Variants in EML6 observed in about 807,000 individuals in gnomAD.
EML6 encodes echinoderm microtubule-associated protein-like 6.
A neutral mutation model predicts 240.1 loss-of-function variants in EML6; 154 were observed. The observed-to-expected ratio is 0.64, with a 90% confidence interval of 0.56 to 0.73. The LOEUF (loss-of-function observed/expected upper bound fraction) is 0.73, where lower values mean the gene tolerates loss of function less well. Ranked by LOEUF, EML6 falls within the 30% of genes least tolerant of loss-of-function variation. The probability of loss-of-function intolerance (pLI) is 0.00; values close to 1 mark genes in which losing one functional copy is unlikely to be tolerated. For synonymous variants in EML6, 1,148 were observed against 899.0 expected (o/e 1.28, Z -4.95); for missense variants, 2,964 against 2,474.6 (o/e 1.20, Z -4.20).
At position 54,911,005 on chromosome 2, in the gene EML6, C is replaced by G; in HGVS notation, c.3461C>G (p.Ala1154Gly). The G allele has an allele frequency of 1.9e-6, 3 of 1,540,022 alleles. No individual in the cohort carries two copies. The highest frequency in any genetic ancestry group is 2.6e-6 in the Non-Finnish European group (3 of 1,138,452). ...GCCAGAGAACAACTTTTTTTTGAAG[C>G]TCCAAGAGGCAAACGGCATATAATA... ...SGAREQLFFE[A>G]PRGKRHIIRP... The change falls in exon 25 of 42, where the codon GCT becomes GGT. Residue 1154 changes from alanine (A) to glycine (G), a missense_variant. Transcript: ENST00000356458.
intron 7 of EML6, among the ~76,000 whole-genome samples, chr2:54,838,281 A>G (rs910205993): frequency 7.9e-5 from 12 of 152,048 alleles, no homozygotes; most frequent in African/African-American, 2.9e-4. Flanking sequence ...CTAGCACAAA[A>G]CCCGCGGGTT....
chr2:54,750,460 A>G (rs1046989898), intron 2 of EML6, among the ~76,000 whole-genome samples: 9 of 152,158 alleles, frequency 5.9e-5, no homozygotes. Context: ...ACAGAACCCA[A>G]CTCAAATTGG....
chr2:54,961,190 T>TTTTTTTTTTGTTTTTTTTTTTTTTG (rs1573222624), intron 35 of EML6, among the ~76,000 whole-genome samples: 1 of 109,364 alleles, frequency 9.1e-6, no homozygotes, highest in African/African-American at 3.7e-5. Flanking sequence ...AGTAGTTTTT[T>TTTTTTTTTTGTTTTTTTTTTTTTTG]TTTTTTTTTT....
chr2:54,852,751 T>G (rs2103767466), intron 10 of EML6, among the ~76,000 whole-genome samples: 1 of 152,358 alleles, frequency 6.6e-6, no homozygotes, highest in Admixed American at 6.5e-5. Context: ...TATAAGGGCA[T>G]TTATTCTCAC....
In EML6 at chr2:54,823,359, C is replaced by T. The variant is rs139061586; in HGVS notation, c.525+2897C>T. On this transcript the variant is annotated intron_variant, in intron 5 of 41. Transcript: ENST00000356458. ...GTCAGGAGTTAAGAGAGGCATTGGT[C>T]ACCCATGGAAGTGTGAGACTGGGGA... Among the ~76,000 whole-genome samples, 272 of 152,152 alleles carry T rather than the reference C, an allele frequency of 1.8e-3. 1 individual carries two copies. The highest frequency in any genetic ancestry group is 6.1e-3 in the African/African-American group (252 of 41,508).
Position 54,901,895 on chromosome 2 carries a change from A to G in EML6, c.3125-1149A>G, listed in dbSNP as rs114233610. ...AGTTTCCTTTTAGACATACCTTTGC[A>G]AAGTCCATGCTCCTGATTCAGAAAT... On this transcript the variant is annotated intron_variant, in intron 22 of 41. Transcript: ENST00000356458. Among the ~76,000 whole-genome samples the G allele has an allele frequency of 3.2e-3, 490 of 152,350 alleles. 5 individuals carry two copies. Among genetic ancestry groups the G allele is most frequent in the African/African-American group, 0.011 (459 of 41,576 alleles).
At chr2:54,951,702 G>GAA (rs11355745) in intron 30 of EML6, among the ~76,000 whole-genome samples, 12 of 147,172 alleles carry the variant, frequency 8.2e-5, no homozygotes, top group African/African-American at 2.5e-4. Flanking sequence ...CATGCCTCAA[G>GAA]AAAAAAAAAA....
At chr2:54,948,459 T>G (rs1675801506) in intron 28 of EML6, among the ~76,000 whole-genome samples, 1 of 152,146 alleles carries the variant, frequency 6.6e-6, no homozygotes, top group Non-Finnish European at 1.5e-5. Context: ...ATCGACAACT[T>G]AATTCTGAAC....
intron 17 of EML6, 62 bp downstream of exon 17, chr2:54,879,702 G>A: frequency 1.0e-6 from 1 of 985,242 alleles, no homozygotes; most frequent in Non-Finnish European, 1.5e-6. Flanking sequence ...AAGGTCAATA[G>A]TTTTCATTTT....
chr2:54,913,063 C>T (rs1336275019), intron 25 of EML6, among the ~76,000 whole-genome samples: 3 of 144,656 alleles, frequency 2.1e-5, no homozygotes, highest in Non-Finnish European at 4.5e-5. Flanking sequence ...TCAGCCTTGC[C>T]AGATTCTGTT....
At chr2:54,748,176 A>C (rs549692648) in intron 2 of EML6, among the ~76,000 whole-genome samples, 2 of 152,362 alleles carry the variant, frequency 1.3e-5, no homozygotes, top group African/African-American at 4.8e-5. Context: ...GTAAGAGAAC[A>C]TAGGAAATTA....
At chr2:54,851,670 T>C (rs1005119791) in intron 10 of EML6, among the ~76,000 whole-genome samples, 3 of 152,224 alleles carry the variant, frequency 2.0e-5, no homozygotes, top group African/African-American at 7.2e-5. Context: ...TTTAGTTCAT[T>C]ATCCAAGTCT....
chr2:54,932,563 T>C (rs1674919535), intron 28 of EML6, among the ~76,000 whole-genome samples: 1 of 152,202 alleles, frequency 6.6e-6, no homozygotes, highest in South Asian at 2.1e-4. Context: ...CGTGTTTTCT[T>C]ATAATGTACT....
At chr2:54,960,360 G>C (rs1211041081) in intron 35 of EML6, 26 bp downstream of exon 35, 1 of 1,513,278 alleles carries the variant, frequency 6.6e-7, no homozygotes, top group Admixed American at 2.0e-5. Flanking sequence ...TCCCCTGGGG[G>C]CTGGGCCAGG....
intron 7 of EML6, among the ~76,000 whole-genome samples, chr2:54,839,571 C>T (rs549386361): frequency 2.0e-5 from 3 of 152,250 alleles, no homozygotes; most frequent in African/African-American, 7.2e-5. Context: ...GTTCTCTTCC[C>T]TTCCACCCAT....
chr2:54,795,924 T>C (rs1669742061), intron 2 of EML6, among the ~76,000 whole-genome samples: 1 of 152,166 alleles, frequency 6.6e-6, no homozygotes. Context: ...ATGATTTCTC[T>C]TTCATGGACA....
intron 7 of EML6, 139 bp from the exon 8 acceptor site, chr2:54,843,908 T>C (rs1669603794): frequency 1.5e-6 from 1 of 684,618 alleles, no homozygotes; most frequent in African/African-American, 1.8e-5. Context: ...TCCAAGAGTC[T>C]TTAAGATGTG....
At chr2:54,833,708 G>A (rs189971460) in intron 7 of EML6, among the ~76,000 whole-genome samples, 22 of 152,242 alleles carry the variant, frequency 1.4e-4, no homozygotes, top group Non-Finnish European at 2.6e-4. Context: ...TATTTGCACC[G>A]GTGACTTGTG....
chr2:54,888,201 C>T lies in EML6; in HGVS notation c.2439-2853C>T, dbSNP rs185911270. Among the ~76,000 whole-genome samples the T allele has an allele frequency of 4.7e-3, 714 of 152,290 alleles. 3 individuals are homozygous for T. Among genetic ancestry groups the T allele is most frequent in the Non-Finnish European group, 8.1e-3 (548 of 68,022 alleles). ...ATAGCAGAGGGTAATGAGGCATGAT[C>T]TGATTGGATCTTATAATGCAGTGTG... On this transcript the variant is annotated intron_variant, in intron 17 of 41. Transcript: ENST00000356458.
Sources: allele counts gnomAD v4.1 joint callset (sites outside exome capture counted in the v4.1 genomes callset), GRCh38; gene constraint gnomAD v4.1.1; transcripts MANE v1.5; gene names NCBI Gene and HGNC (gene_info 2026-07-23, HGNC 2026-07-21).